The following LRRC4C variants were observed in gnomAD, a reference collection of about 807,000 sequenced individuals.
LRRC4C encodes the protein leucine-rich repeat-containing protein 4C.
In LRRC4C, 5 loss-of-function variants were observed where a neutral mutation model predicts 33.6. The observed-to-expected ratio is 0.15, with a 90% CI of 0.08 to 0.31. The LOEUF is 0.31. LRRC4C is among the 10% of genes least tolerant of loss of function. LRRC4C has a pLI of 1.00. For synonymous variants in LRRC4C, 329 were observed against 302.0 expected, an observed-to-expected ratio of 1.09 and a Z score of -0.93; for missense variants, 560 against 796.7, an observed-to-expected ratio of 0.70 and a Z score of 3.58.
At chr11:41,397,304 A>T (rs1200167006) in intron 1 of LRRC4C, among the ~76,000 whole-genome samples, 1 of 151,832 alleles carries the variant, frequency 6.6e-6, no homozygotes, top group Non-Finnish European at 1.5e-5. Context: ...CACCACTGAA[A>T]CATCAAGGCC....
intron 3 of LRRC4C, among the ~76,000 whole-genome samples, chr11:40,576,752 T>C (rs1395635686): frequency 1.3e-5 from 2 of 152,240 alleles, no homozygotes; most frequent in African/African-American, 4.8e-5. Context: ...CATTGTATCA[T>C]GATTATTCGT....
intron 6 of LRRC4C, among the ~76,000 whole-genome samples, chr11:40,120,959 CTT>C (rs1052812714): frequency 1.2e-4 from 19 of 152,088 alleles, no homozygotes; most frequent in Non-Finnish European, 2.6e-4. Flanking sequence ...AGTCAAAAGA[CTT>C]TGGTTAGGAC....
intron 1 of LRRC4C, among the ~76,000 whole-genome samples, chr11:41,258,295 G>T (rs566673739): frequency 1.3e-5 from 2 of 151,854 alleles, no homozygotes; most frequent in Non-Finnish European, 2.9e-5. Context: ...TGTTAGGAAG[G>T]CTTGATATAT....
intron 3 of LRRC4C, among the ~76,000 whole-genome samples, chr11:40,388,717 A>C (rs1487986047): frequency 5.9e-5 from 9 of 152,190 alleles, no homozygotes; most frequent in African/African-American, 2.2e-4. Flanking sequence ...GGAATCCTGA[A>C]TTGATCCTAG....
chr11:40,395,553 A>C (rs1949504648), intron 3 of LRRC4C, among the ~76,000 whole-genome samples: 1 of 152,170 alleles, frequency 6.6e-6, no homozygotes, highest in African/African-American at 2.4e-5. Context: ...ACTGTTCTGG[A>C]GTTTTAACAA....
At chr11:40,590,055 T>A (rs1958965147) in intron 3 of LRRC4C, among the ~76,000 whole-genome samples, 1 of 151,652 alleles carries the variant, frequency 6.6e-6, no homozygotes, top group Non-Finnish European at 1.5e-5. Flanking sequence ...TTCTCCTGGA[T>A]AATATCCTGC....
intron 5 of LRRC4C, among the ~76,000 whole-genome samples, chr11:40,178,818 G>A (rs1465158670): frequency 6.6e-6 from 1 of 152,056 alleles, no homozygotes; most frequent in African/African-American, 2.4e-5. Context: ...TGCTCTTAAA[G>A]TGACCTTCTC....
At chr11:40,875,932 G>A (rs572128051) in intron 2 of LRRC4C, among the ~76,000 whole-genome samples, 5 of 152,148 alleles carry the variant, frequency 3.3e-5, no homozygotes, top group South Asian at 2.1e-4. Flanking sequence ...ATCTAGGGGC[G>A]GTGGCAGATA....
intron 5 of LRRC4C, among the ~76,000 whole-genome samples, chr11:40,223,844 T>G (rs1864594407): frequency 6.6e-6 from 1 of 152,252 alleles, no homozygotes; most frequent in African/African-American, 2.4e-5. Context: ...TAATTATTTT[T>G]AAATGACTTG....
chr11:41,254,768 C>T lies in LRRC4C; in HGVS notation c.-496+204663G>A, dbSNP rs930351949. 7.2e-5 allele frequency among the ~76,000 whole-genome samples: 11 copies of T among 152,058 alleles called. No individual in the cohort carries two copies. In the South Asian group the frequency reaches 1.0e-3, roughly 14 times the overall value. ...CTGCTCCATGGCATAGAATTTTCCT[C>T]AAAATTCACATTCTTTGACAATGGC... On this transcript the variant is annotated intron_variant, in intron 1 of 6. Transcript: ENST00000528697.
At chr11:40,904,110 A>G (rs1306203833) in intron 2 of LRRC4C, among the ~76,000 whole-genome samples, 1 of 152,174 alleles carries the variant, frequency 6.6e-6, no homozygotes, top group Admixed American at 6.6e-5. Flanking sequence ...CTGAGGGATG[A>G]TCAAAGAAAG....
At chr11:40,390,574 T>C (rs553981230) in intron 3 of LRRC4C, among the ~76,000 whole-genome samples, 14 of 152,274 alleles carry the variant, frequency 9.2e-5, no homozygotes, top group African/African-American at 2.9e-4. Context: ...GCCTTTTCTA[T>C]TAATTAGGTC....
At chr11:40,627,276 CGAGAGA>C (rs10649436) in intron 3 of LRRC4C, among the ~76,000 whole-genome samples, 2 of 146,404 alleles carry the variant, frequency 1.4e-5, no homozygotes, top group African/African-American at 2.5e-5. Context: ...AGAGAGAGAG[CGAGAGA>C]GAGAGAGAGA....
At chr11:40,782,249 TG>T (rs1399246363) in intron 2 of LRRC4C, among the ~76,000 whole-genome samples, 1 of 152,194 alleles carries the variant, frequency 6.6e-6, no homozygotes, top group Non-Finnish European at 1.5e-5. Flanking sequence ...AACATTTTTT[TG>T]GTTCCTGTCT....
rs1947127602 is a variant in LRRC4C, at chr11:40,346,340, A to G, written c.-269-26619T>C. Among the ~76,000 whole-genome samples the G allele has an allele frequency of 2.6e-5, 4 of 152,248 alleles. No homozygotes were observed. In the South Asian group the frequency reaches 8.3e-4, roughly 31 times the overall value. On this transcript the variant is annotated intron_variant, in intron 3 of 6. Transcript: ENST00000528697. Reference sequence around the variant, plus strand: ...ATAGACTGGATAAAGAAAATGTGATACATATACACCATAGAATACTGTGCA... The same window carrying G: ...ATAGACTGGATAAAGAAAATGTGATGCATATACACCATAGAATACTGTGCA...
intron 3 of LRRC4C, among the ~76,000 whole-genome samples, chr11:40,507,240 A>G (rs1362247695): frequency 6.6e-6 from 1 of 152,140 alleles, no homozygotes. Flanking sequence ...ATAACATATG[A>G]TTAGACAAAA....
chr11:41,405,687 G>A (rs1388249950), intron 1 of LRRC4C, among the ~76,000 whole-genome samples: 1 of 152,052 alleles, frequency 6.6e-6, no homozygotes, highest in Non-Finnish European at 1.5e-5. Context: ...CATCATCAAG[G>A]ACAGGAACAA....
chr11:40,398,017 G>T (rs191130137), intron 3 of LRRC4C, among the ~76,000 whole-genome samples: 4 of 152,018 alleles, frequency 2.6e-5, no homozygotes, highest in Non-Finnish European at 1.5e-5. Flanking sequence ...TGTAAGGATG[G>T]TTATAAAAAG....
intron 1 of LRRC4C, among the ~76,000 whole-genome samples, chr11:41,164,946 C>T (rs2136055383): frequency 6.6e-6 from 1 of 152,250 alleles, no homozygotes; most frequent in Middle Eastern, 3.4e-3. Flanking sequence ...CTCCTTGTTC[C>T]TTGCTCTCCC....
Sources: allele counts gnomAD v4.1 joint callset (sites outside exome capture counted in the v4.1 genomes callset), GRCh38; gene constraint gnomAD v4.1.1; transcripts MANE v1.5; gene names NCBI Gene and HGNC (gene_info 2026-07-23, HGNC 2026-07-21).